MOB3B: variants seen among roughly 807,000 people sequenced by gnomAD.
The protein encoded by MOB3B is MOB kinase activator 3B.
MOB3B carries 7 observed loss-of-function variants against 18.7 expected under a neutral mutation model. The ratio of observed to expected loss-of-function variants is 0.37; its 90% confidence interval spans 0.21 to 0.70. The LOEUF (loss-of-function observed/expected upper bound fraction) is 0.70. Ranked by LOEUF, MOB3B falls within the 30% of genes least tolerant of loss-of-function variation. The pLI is 0.52. For synonymous variants in MOB3B, 111 were observed against 99.9 expected (o/e 1.11, Z -0.66); for missense variants, 253 against 281.3 (o/e 0.90, Z 0.72).
At chr9:27,355,074 T>C (rs1821166549) in intron 3 of MOB3B, among the ~76,000 whole-genome samples, 1 of 152,166 alleles carries the variant, frequency 6.6e-6, no homozygotes, top group South Asian at 2.1e-4. Context: ...AAATGCAGGG[T>C]CCAGGGTTGG....
At chr9:27,509,413 GTTTA>G (rs892392549) in intron 1 of MOB3B, among the ~76,000 whole-genome samples, 8 of 151,978 alleles carry the variant, frequency 5.3e-5, no homozygotes, top group African/African-American at 1.9e-4. Flanking sequence ...TAATTAATTA[GTTTA>G]TTTATTTATT....
At chr9:27,424,009 G>C (rs1401083960) in intron 2 of MOB3B, among the ~76,000 whole-genome samples, 2 of 152,174 alleles carry the variant, frequency 1.3e-5, no homozygotes, top group African/African-American at 4.8e-5. Context: ...ATTAGGACAT[G>C]AACCTAGACA....
At chr9:27,333,355 TAA>T (rs34342309) in intron 3 of MOB3B, among the ~76,000 whole-genome samples, 5 of 149,288 alleles carry the variant, frequency 3.3e-5, no homozygotes, top group South Asian at 2.1e-4. Context: ...AATGAGCTGT[TAA>T]AAAAAAAAAC....
chr9:27,437,078 G>A (rs1233283039), intron 2 of MOB3B, among the ~76,000 whole-genome samples: 1 of 152,102 alleles, frequency 6.6e-6, no homozygotes, highest in Non-Finnish European at 1.5e-5. Context: ...CAGGCAAGGG[G>A]AAATCCTGAA....
chr9:27,420,564 T>TTCC (rs2131411648), intron 2 of MOB3B, among the ~76,000 whole-genome samples: 1 of 104,272 alleles, frequency 9.6e-6, no homozygotes, highest in South Asian at 3.2e-4. Flanking sequence ...TATATATATA[T>TTCC]ATATATATAT....
At chr9:27,384,100 A>G (rs1821616909) in intron 2 of MOB3B, among the ~76,000 whole-genome samples, 1 of 151,926 alleles carries the variant, frequency 6.6e-6, no homozygotes, top group Non-Finnish European at 1.5e-5. Flanking sequence ...TATAATAGAA[A>G]CTTTGGGGAA....
intron 2 of MOB3B, among the ~76,000 whole-genome samples, chr9:27,454,607 T>G (rs1462865000): frequency 6.6e-6 from 1 of 152,210 alleles, no homozygotes; most frequent in Non-Finnish European, 1.5e-5. Context: ...ACGCAAGGGT[T>G]AAAGTAAACA....
At chr9:27,357,968 G>A (rs894294049) in intron 3 of MOB3B, among the ~76,000 whole-genome samples, 2 of 150,840 alleles carry the variant, frequency 1.3e-5, no homozygotes, top group African/African-American at 2.4e-5. Context: ...GCTGAGGTGG[G>A]AGGAGTGCTT....
intron 2 of MOB3B, among the ~76,000 whole-genome samples, chr9:27,452,557 G>T (rs1356706989): frequency 1.3e-5 from 2 of 152,078 alleles, no homozygotes; most frequent in African/African-American, 2.4e-5. Flanking sequence ...TCAATTGAAA[G>T]AAAATACATA....
chr9:27,349,360 T>C (rs558949521), intron 3 of MOB3B, among the ~76,000 whole-genome samples: 1 of 152,290 alleles, frequency 6.6e-6, no homozygotes, highest in African/African-American at 2.4e-5. Flanking sequence ...AGGTGGGTGG[T>C]GGGAGAAAAT....
At chr9:27,500,108 T>A (rs1819966635) in intron 1 of MOB3B, among the ~76,000 whole-genome samples, 2 of 152,082 alleles carry the variant, frequency 1.3e-5, no homozygotes, top group African/African-American at 4.8e-5. Flanking sequence ...TGGTTAAAAA[T>A]CACCATTAAA....
At chr9:27,519,695 C>T (rs10812607) in intron 1 of MOB3B, among the ~76,000 whole-genome samples, 42,425 of 152,038 alleles carry the variant, frequency 0.28, 6,961 homozygotes, top group Non-Finnish European at 0.37. Flanking sequence ...GCAAAGCTTT[C>T]GCTTGCCCTG....
At chr9:27,387,015 G>T (rs1485961569) in intron 2 of MOB3B, among the ~76,000 whole-genome samples, 1 of 152,164 alleles carries the variant, frequency 6.6e-6, no homozygotes, top group Non-Finnish European at 1.5e-5. Context: ...GCAAAATGTG[G>T]CAGAGTTGCT....
intron 1 of MOB3B, among the ~76,000 whole-genome samples, chr9:27,497,893 C>T (rs1819923449): frequency 6.6e-6 from 1 of 152,180 alleles, no homozygotes; most frequent in African/African-American, 2.4e-5. Context: ...TAGAAGCAGT[C>T]CACTGATTTT....
At chr9:27,424,824 A>C (rs1192274961) in intron 2 of MOB3B, among the ~76,000 whole-genome samples, 1 of 152,214 alleles carries the variant, frequency 6.6e-6, no homozygotes. Context: ...ATGTTGGTGC[A>C]TCAGTAGTAG....
At chr9:27,448,979 T>C (rs576227356) in intron 2 of MOB3B, among the ~76,000 whole-genome samples, 121 of 152,294 alleles carry the variant, frequency 7.9e-4, no homozygotes, top group African/African-American at 2.6e-3. Context: ...TCTCCCCAAT[T>C]CTCCTGCTAA....
intron 2 of MOB3B, among the ~76,000 whole-genome samples, chr9:27,374,898 C>T (rs1821470230): frequency 6.6e-6 from 1 of 152,130 alleles, no homozygotes. Context: ...CCAGCTGGAC[C>T]CTTGAGAGGA....
At position 27,521,219 on chromosome 9, in the gene MOB3B, TAAAC is replaced by T. The variant is rs1014741906; in HGVS notation, c.-199+8332_-199+8335del. Among the ~76,000 whole-genome samples the T allele has an allele frequency of 4.0e-4, 61 of 152,258 alleles. 2 individuals carry two copies. Among genetic ancestry groups the T allele is most frequent in the Admixed American group, 4.0e-3 (61 of 15,292 alleles). ...ACCTAGGCCAGTGACGGAAATGTCA[TAAAC>T]ACAAAAGTACATTTTTAGATAAATG... On this transcript the variant is annotated intron_variant, in intron 1 of 3. Coordinates refer to ENST00000262244, the MANE Select transcript of MOB3B (RefSeq NM_024761.5).
intron 2 of MOB3B, among the ~76,000 whole-genome samples, chr9:27,360,107 A>T (rs1180632266): frequency 6.6e-6 from 1 of 152,226 alleles, no homozygotes; most frequent in Non-Finnish European, 1.5e-5. Flanking sequence ...CTGGGAAGGT[A>T]TTAATGTAAG....
Sources: gnomAD v4.1 joint callset for allele counts (sites outside exome capture counted in the v4.1 genomes callset) on GRCh38, gnomAD v4.1.1 for gene constraint, MANE v1.5 for transcripts, NCBI Gene and HGNC (gene_info 2026-07-23, HGNC 2026-07-21) for gene names.